Variants in SYNE2 observed in about 807,000 individuals in gnomAD.
SYNE2 encodes spectrin repeat containing nuclear envelope protein 2, also known as nesprin-2.
A neutral mutation model predicts 856.3 loss-of-function variants in SYNE2; 431 were observed. The ratio of observed to expected loss-of-function variants is 0.50; its 90% CI spans 0.47 to 0.55. The LOEUF (loss-of-function observed/expected upper bound fraction) is 0.55, where lower values mean the gene tolerates loss of function less well. SYNE2 is among the 20% of genes least tolerant of loss of function. The probability of loss-of-function intolerance (pLI) is 0.00; values close to 1 mark genes in which losing one functional copy is unlikely to be tolerated. For synonymous variants in SYNE2, 2,923 were observed against 2,872.3 expected, an observed-to-expected ratio of 1.02 and a Z score of -0.56; for missense variants, 8,129 against 8,023.2, an observed-to-expected ratio of 1.01 and a Z score of -0.50.
intron 13 of SYNE2, 82 bp from the exon 14 acceptor site, chr14:63,978,770 A>G (rs2096564090): frequency 2.4e-6 from 3 of 1,235,758 alleles, no homozygotes; most frequent in East Asian, 2.4e-5. Flanking sequence ...TAAAGCCTCA[A>G]TATTTTTTAA....
intron 94 of SYNE2, among the ~76,000 whole-genome samples, chr14:64,173,257 G>A (rs985299886): frequency 2.0e-5 from 3 of 152,216 alleles, no homozygotes; most frequent in Admixed American, 6.5e-5. Context: ...GACGACTCTG[G>A]GTTGAAGCTC....
In SYNE2 at chr14:63,983,809, A is replaced by G. The variant is rs772239623; in HGVS notation, c.2074A>G (p.Lys692Glu). 4 of 1,610,446 alleles carry G rather than the reference A, an allele frequency of 2.5e-6. No homozygotes were observed. The East Asian group carries it at 8.9e-5, about 36-fold the overall frequency. The change falls in exon 18 of 116, where the codon AAA becomes GAA. Residue 692 changes from lysine (K) to glutamate (E), a missense_variant. By Grantham distance (56) the Lys-to-Glu change is moderately conservative (BLOSUM62 1). Coordinates refer to ENST00000555002, the MANE Select transcript of SYNE2 (RefSeq NM_182914.3). ...TGACAATTCTGGAAATATTCTATCT[A>G]AAGAAGAGAAAGCAACTGTTGAGTT... ...TFDNSGNILSKEEKATVEFST... is the reference protein window; with the variant it reads ...TFDNSGNILSEEEKATVEFST...
chr14:64,199,849 G>A (rs1228992258), intron 99 of SYNE2, among the ~76,000 whole-genome samples: 2 of 151,802 alleles, frequency 1.3e-5, no homozygotes, highest in Non-Finnish European at 2.9e-5. Context: ...CATACACATT[G>A]TAGAAATTTT....
intron 25 of SYNE2, among the ~76,000 whole-genome samples, chr14:63,997,985 A>G (rs372968482): frequency 5.9e-5 from 9 of 152,232 alleles, no homozygotes; most frequent in Admixed American, 6.5e-5. Flanking sequence ...CAGAAATAGC[A>G]TTTTGGGGCT....
chr14:64,003,839 G>T (rs1226099690), intron 30 of SYNE2, among the ~76,000 whole-genome samples: 1 of 152,226 alleles, frequency 6.6e-6, no homozygotes, highest in Admixed American at 6.5e-5. Context: ...TCTAAAGTTA[G>T]TGTTGATTCT....
At chr14:64,006,705 G>T (rs935050063) in intron 30 of SYNE2, among the ~76,000 whole-genome samples, 1 of 152,108 alleles carries the variant, frequency 6.6e-6, no homozygotes, top group Non-Finnish European at 1.5e-5. Flanking sequence ...GTTCGCACGT[G>T]TGGTACCAGC....
intron 70 of SYNE2, among the ~76,000 whole-genome samples, chr14:64,123,756 A>G (rs2097915475): frequency 2.0e-5 from 3 of 152,160 alleles, no homozygotes; most frequent in African/African-American, 4.8e-5. Flanking sequence ...CATCCCTTAG[A>G]AGAGACTTGA....
intron 1 of SYNE2, among the ~76,000 whole-genome samples, chr14:63,866,546 C>T (rs1352795566): frequency 8.5e-5 from 13 of 152,094 alleles, no homozygotes; most frequent in Admixed American, 8.5e-4. Flanking sequence ...TTCCTTTGGA[C>T]AACCTACAGT....
At chr14:63,811,037 G>A (rs35127249) in intron 1 of SYNE2, among the ~76,000 whole-genome samples, 9,420 of 152,068 alleles carry the variant, frequency 0.062, 315 homozygotes, top group Admixed American at 0.098. Flanking sequence ...GGGTTTCACC[G>A]TGTTAGACAG....
In SYNE2 at chr14:63,978,720, CAAT is replaced by C. The variant is rs750439395; in HGVS notation, c.1407-131_1407-129del. On this transcript the variant is annotated intron_variant, in intron 13 of 115. Transcript: ENST00000555002. ...TTACAATGTTTAAAAAAGAAAAAGA[CAAT>C]GATACATCTGAGTTCCATGTGCTTA... The C allele has an allele frequency of 6.1e-4, 422 of 687,046 alleles. 2 individuals carry two copies. Among genetic ancestry groups the C allele is most frequent in the Middle Eastern group, 8.1e-4 (2 of 2,460 alleles). The allele number at this position is 687,046 out of a possible 1,614,324, so 42.6% of individuals were successfully genotyped here. A position where few individuals can be genotyped will look rare whatever the true frequency, so the allele number is the denominator to read the frequency against.
At chr14:64,142,624 A>T (rs922952012) in intron 82 of SYNE2, among the ~76,000 whole-genome samples, 7 of 152,048 alleles carry the variant, frequency 4.6e-5, no homozygotes, top group African/African-American at 1.7e-4. Flanking sequence ...ATCATGCATT[A>T]TTATAATTAT....
chr14:63,831,849 A>G (rs1304477415), intron 1 of SYNE2, among the ~76,000 whole-genome samples: 1 of 152,060 alleles, frequency 6.6e-6, no homozygotes, highest in Non-Finnish European at 1.5e-5. Context: ...CAGCATGAAT[A>G]TAATGTTCAT....
intron 54 of SYNE2, among the ~76,000 whole-genome samples, chr14:64,078,046 A>T (rs933283375): frequency 6.6e-6 from 1 of 152,210 alleles, no homozygotes; most frequent in African/African-American, 2.4e-5. Context: ...GTTTTACTGA[A>T]AACAGATCTA....
At chr14:64,159,633 G>A (rs1210241308) in intron 87 of SYNE2, among the ~76,000 whole-genome samples, 191 bp downstream of exon 87, 1 of 152,130 alleles carries the variant, frequency 6.6e-6, no homozygotes, top group Non-Finnish European at 1.5e-5. Context: ...GACATCCCTT[G>A]TACAAGTGTT....
chr14:63,886,903 GCCTGCCTTGGCTT>G (rs1566713349), intron 1 of SYNE2, among the ~76,000 whole-genome samples: 1 of 152,102 alleles, frequency 6.6e-6, no homozygotes, highest in South Asian at 2.1e-4. Flanking sequence ...CAAGTGATCT[GCCTGCCTTGGCTT>G]CCTAAAGTGT....
At chr14:64,021,678 GT>G (rs1412321872) in intron 36 of SYNE2, among the ~76,000 whole-genome samples, 163 bp downstream of exon 36, 2 of 152,148 alleles carry the variant, frequency 1.3e-5, no homozygotes, top group Non-Finnish European at 2.9e-5. Context: ...GAATTGCTTT[GT>G]GCATGATAAT....
At chr14:64,093,189 C>T (rs2097644093) in intron 60 of SYNE2, among the ~76,000 whole-genome samples, 160 bp from the exon 61 acceptor site, 1 of 152,300 alleles carries the variant, frequency 6.6e-6, no homozygotes, top group South Asian at 2.1e-4. Flanking sequence ...GCTTTGCAAA[C>T]ATTCTTCTCT....
In SYNE2 at chr14:64,070,628, T is replaced by G. The variant is rs376299946; in HGVS notation, c.10432-17T>G. On this transcript the variant is annotated splice_polypyrimidine_tract_variant and intron_variant, in intron 51 of 115. Transcript: ENST00000555002. ...GTATATTTTACTTATTTTAGTTCTT[T>G]TTGTTTTTTGAATTAGATTGAACGA... The G allele has an allele frequency of 3.7e-5, 59 of 1,606,004 alleles. No homozygotes were observed. The highest frequency in any genetic ancestry group is 4.9e-5 in the Non-Finnish European group (57 of 1,174,514).
At position 64,214,383 on chromosome 14, in the gene SYNE2, C is replaced by A; in HGVS notation, c.19246C>A (p.Pro6416Thr). ...CETPVSVDSI[P>T]LEWDHTGDVG... ...GACCCCTGTCAGCGTGGACTCCATC[C>A]CCCTGGAGTGGGACCACACAGGCGA... is the stretch of plus-strand genomic sequence containing the variant. The change falls in exon 106 of 116, where the codon CCC (proline) becomes ACC (threonine). Residue 6416 changes from proline to threonine, a missense_variant. This residue lies in a region of SYNE2 where 5,410 missense variants were observed against 5,284.8 expected (regional missense o/e 1.02). Coordinates refer to ENST00000555002, the MANE Select transcript of SYNE2 (RefSeq NM_182914.3). 1 of 1,614,130 alleles carries A rather than the reference C, an allele frequency of 6.2e-7. No homozygotes were observed. Among genetic ancestry groups the A allele is most frequent in the Non-Finnish European group, 8.5e-7 (1 of 1,180,020 alleles).
Sources: gnomAD v4.1 joint callset for allele counts (sites outside exome capture counted in the v4.1 genomes callset) on GRCh38, gnomAD v4.1.1 for gene constraint, gnomAD v4.1.1 regional missense constraint, MANE v1.5 for transcripts, NCBI Gene and HGNC (gene_info 2026-07-23, HGNC 2026-07-21) for gene names.